CFAP54: variants seen among roughly 807,000 people sequenced by gnomAD.
CFAP54 encodes the protein cilia and flagella associated protein 54, also known as cilia- and flagella-associated protein 54.
Under a neutral mutation model 370.4 loss-of-function variants are expected in CFAP54, and 290 were observed. That is an observed-to-expected ratio of 0.78 (90% CI 0.71 to 0.86). The LOEUF (loss-of-function observed/expected upper bound fraction) is 0.86, where lower values mean the gene tolerates loss of function less well. Among genes scored for constraint, CFAP54 ranks in the 40% least tolerant of loss-of-function variants. CFAP54 has a pLI of 0.00. For synonymous variants in CFAP54, 1,206 were observed against 1,236.5 expected, an observed-to-expected ratio of 0.98 and a Z score of 0.52; for missense variants, 3,399 against 3,528.7, an observed-to-expected ratio of 0.96 and a Z score of 0.93.
At chr12:96,533,307 T>C (rs17025509) in intron 9 of CFAP54, among the ~76,000 whole-genome samples, 2,569 of 152,296 alleles carry the variant, frequency 0.017, 78 homozygotes, top group African/African-American at 0.058. Context: ...GTGTTACTGT[T>C]GAGTACTCCT....
chr12:96,681,123 A>C lies in CFAP54; in HGVS notation c.5716+1371A>C, dbSNP rs200484661. 3.9e-3 allele frequency among the ~76,000 whole-genome samples: 550 copies of C among 141,470 alleles called. 6 individuals carry two copies. The highest frequency in any genetic ancestry group is 0.011 in the African/African-American group (427 of 39,554). 92.8% of individuals were successfully genotyped at this position (141,470 alleles called of 152,430 possible). A position where few individuals can be genotyped will look rare whatever the true frequency, so the allele number is the denominator to read the frequency against. On this transcript the variant is annotated intron_variant, in intron 40 of 67. Coordinates refer to ENST00000524981, the MANE Select transcript of CFAP54 (RefSeq NM_001306084.2). ...ACAAAACAGAAAAGCACCCCCCCAC[A>C]CACACACACAAAAAGTGGGTAAGGG...
chr12:96,845,793 A>T (rs139940432), intron 66 of CFAP54, among the ~76,000 whole-genome samples: 1 of 152,226 alleles, frequency 6.6e-6, no homozygotes. Context: ...GAAAATGAAG[A>T]TCCCTGACTG....
At chr12:96,743,692 G>A (rs757212096) in intron 53 of CFAP54, 39 bp from the exon 54 acceptor site, 9 of 1,558,552 alleles carry the variant, frequency 5.8e-6, no homozygotes, top group Middle Eastern at 3.4e-4. Context: ...CAGTGAATTG[G>A]AAACAGTACT....
intron 66 of CFAP54, among the ~76,000 whole-genome samples, chr12:96,855,235 A>G (rs957349407): frequency 6.6e-6 from 1 of 152,198 alleles, no homozygotes; most frequent in Non-Finnish European, 1.5e-5. Context: ...TATGGGAACT[A>G]TAGTTCAAGA....
At chr12:96,532,645 G>T (rs1955452247) in intron 9 of CFAP54, among the ~76,000 whole-genome samples, 1 of 151,646 alleles carries the variant, frequency 6.6e-6, no homozygotes, top group Non-Finnish European at 1.5e-5. Context: ...TTTTGAGACA[G>T]GATCTCACTC....
chr12:96,569,276 A>T (rs1955890031), intron 19 of CFAP54, among the ~76,000 whole-genome samples: 1 of 152,184 alleles, frequency 6.6e-6, no homozygotes, highest in East Asian at 1.9e-4. Flanking sequence ...TCCGTATCAG[A>T]TGTAATCAGG....
intron 50 of CFAP54, among the ~76,000 whole-genome samples, chr12:96,726,293 A>G (rs1188204390): frequency 6.6e-6 from 1 of 152,052 alleles, no homozygotes; most frequent in East Asian, 1.9e-4. Flanking sequence ...TCGGCTATGA[A>G]TCCATCTGGT....
rs144068669 is a variant in CFAP54 at position 96,872,599 on chromosome 12, A to G, written c.*15-2519A>G. ...GAAAGCATCATTTCATTAAGATGACATAGTTCTAAATGTGTTTCCATTTAA... is the reference window on the plus strand; with the variant it reads ...GAAAGCATCATTTCATTAAGATGACGTAGTTCTAAATGTGTTTCCATTTAA... On this transcript the variant is annotated intron_variant, in intron 67 of 67. Coordinates refer to ENST00000524981, the MANE Select transcript of CFAP54 (RefSeq NM_001306084.2). Among the ~76,000 whole-genome samples the G allele has an allele frequency of 3.4e-3, 521 of 152,380 alleles. 4 individuals are homozygous for G. Among genetic ancestry groups the G allele is most frequent in the African/African-American group, 0.012 (493 of 41,594 alleles).
chr12:96,554,162 T>C lies in CFAP54; in HGVS notation c.2155-20T>C. ...TTTCCCTTGTTTTATTTTTCTTTTT[T>C]GTTTATAAAATTATTTTAGAAAAAT... is the stretch of plus-strand genomic sequence containing the variant. On this transcript the variant is annotated intron_variant, in intron 15 of 67. Transcript: ENST00000524981. 1 of 1,445,784 alleles carries C rather than the reference T, an allele frequency of 6.9e-7. No homozygotes were observed. Among genetic ancestry groups the C allele is most frequent in the South Asian group, 1.4e-5 (1 of 73,686 alleles). 89.6% of individuals were successfully genotyped at this position (1,445,784 alleles called of 1,614,324 possible). A position where few individuals can be genotyped will look rare whatever the true frequency, so the allele number is the denominator to read the frequency against.
intron 56 of CFAP54, among the ~76,000 whole-genome samples, chr12:96,756,071 G>A (rs951135606): frequency 6.6e-6 from 1 of 152,160 alleles, no homozygotes. Context: ...ACATGGGAGG[G>A]CAGATGTTTT....
chr12:96,549,571 G>C (rs1456563837), intron 15 of CFAP54, among the ~76,000 whole-genome samples: 2 of 152,156 alleles, frequency 1.3e-5, no homozygotes, highest in Non-Finnish European at 2.9e-5. Flanking sequence ...TCTTTGGCAT[G>C]GTTGAAGAGC....
chr12:96,631,293 T>C (rs1410330549), intron 32 of CFAP54, among the ~76,000 whole-genome samples: 1 of 151,916 alleles, frequency 6.6e-6, no homozygotes, highest in Non-Finnish European at 1.5e-5. Context: ...ATGTAAAACC[T>C]TTCAAACACA....
intron 27 of CFAP54, among the ~76,000 whole-genome samples, chr12:96,622,898 G>C (rs528059807): frequency 4.5e-4 from 69 of 152,150 alleles, no homozygotes; most frequent in Non-Finnish European, 8.7e-4. Flanking sequence ...GTTTTGTCTA[G>C]AGGGATTTTT....
intron 50 of CFAP54, among the ~76,000 whole-genome samples, chr12:96,738,433 A>C (rs1156670969): frequency 2.0e-5 from 3 of 151,988 alleles, no homozygotes; most frequent in Non-Finnish European, 4.4e-5. Flanking sequence ...ATGGGGCCAC[A>C]CTTGTTCTAA....
At chr12:96,723,605 A>G (rs896373182) in intron 50 of CFAP54, among the ~76,000 whole-genome samples, 2 of 152,090 alleles carry the variant, frequency 1.3e-5, no homozygotes, top group Non-Finnish European at 2.9e-5. Flanking sequence ...TTATGTTTAG[A>G]GTTGTTTATG....
At chr12:96,793,213 A>G (rs116183085) in intron 63 of CFAP54, among the ~76,000 whole-genome samples, 90 of 152,104 alleles carry the variant, frequency 5.9e-4, no homozygotes, top group African/African-American at 2.1e-3. Context: ...CGAGCCCCCA[A>G]AATCTATTGT....
Position 96,594,387 on chromosome 12 carries a change from T to C in CFAP54, c.3457T>C (p.Cys1153Arg). 6.5e-7 allele frequency: 1 copy of C among 1,534,518 alleles called. No homozygotes were observed. The highest frequency in any genetic ancestry group is 8.7e-7 in the Non-Finnish European group (1 of 1,145,702). ...CTATGCCCTTCAAGCTGTGACTCAA[T>C]GTTATGGACTTCTTGCTCCCATAAT... ...SSYALQAVTQ[C>R]YGLLAPIIYH... The change falls in exon 25 of 68, where the codon TGT becomes CGT. Residue 1153 changes from cysteine (C) to arginine (R), a missense_variant. Coordinates refer to ENST00000524981, the MANE Select transcript of CFAP54 (RefSeq NM_001306084.2).
At chr12:96,623,112 T>C (rs1257177770) in intron 27 of CFAP54, among the ~76,000 whole-genome samples, 1 of 152,122 alleles carries the variant, frequency 6.6e-6, no homozygotes, top group Non-Finnish European at 1.5e-5. Flanking sequence ...CCATCCAAGA[T>C]TGTAGAGATT....
At chr12:96,857,563 A>G (rs1354218382) in intron 66 of CFAP54, among the ~76,000 whole-genome samples, 1 of 152,068 alleles carries the variant, frequency 6.6e-6, no homozygotes, top group Non-Finnish European at 1.5e-5. Flanking sequence ...GGTTGATTCC[A>G]TGTTGATATG....
Sources: allele counts gnomAD v4.1 joint callset (sites outside exome capture counted in the v4.1 genomes callset), GRCh38; gene constraint gnomAD v4.1.1; transcripts MANE v1.5; gene names NCBI Gene and HGNC (gene_info 2026-07-23, HGNC 2026-07-21).